The following GBE1 variants were observed in gnomAD, a reference collection of about 807,000 sequenced individuals.
The protein encoded by GBE1 is 1,4-alpha-glucan branching enzyme 1, also known as 1,4-alpha-glucan-branching enzyme.
Under a neutral mutation model 88.8 loss-of-function variants are expected in GBE1, and 70 were observed. The ratio of observed to expected loss-of-function variants is 0.79; its 90% confidence interval spans 0.65 to 0.96. The LOEUF (loss-of-function observed/expected upper bound fraction) is 0.96. Among genes scored for constraint, GBE1 ranks in the 40% least tolerant of loss-of-function variants. The probability of loss-of-function intolerance (pLI) is 0.00; values close to 1 mark genes in which losing one functional copy is unlikely to be tolerated. For synonymous variants in GBE1, 284 were observed against 300.1 expected (o/e 0.95, Z 0.56); for missense variants, 872 against 871.0 (o/e 1.00, Z -0.01).
intron 2 of GBE1, among the ~76,000 whole-genome samples, chr3:81,684,509 T>A (rs1251711549): frequency 6.6e-6 from 1 of 152,156 alleles, no homozygotes; most frequent in African/African-American, 2.4e-5. Flanking sequence ...AGGAATCCTC[T>A]CTCTGGGGTC....
chr3:81,624,210 C>G (rs1325409470), intron 7 of GBE1, among the ~76,000 whole-genome samples: 3 of 152,140 alleles, frequency 2.0e-5, no homozygotes, highest in African/African-American at 4.8e-5. Flanking sequence ...CTTATAAAAC[C>G]ATCAGATCTT....
At chr3:81,612,605 C>A in intron 7 of GBE1, 1 of 624,694 alleles carries the variant, frequency 1.6e-6, no homozygotes, top group Non-Finnish European at 3.0e-6. Flanking sequence ...CAGTTCTGAC[C>A]TCTTCTGAAA....
At chr3:81,758,686 G>A (rs1306418926) in intron 1 of GBE1, among the ~76,000 whole-genome samples, 2 of 152,232 alleles carry the variant, frequency 1.3e-5, no homozygotes, top group African/African-American at 2.4e-5. Flanking sequence ...AGTGGAAAAT[G>A]CTATTTTGGG....
chr3:81,559,390 C>T (rs906218699), intron 12 of GBE1, among the ~76,000 whole-genome samples: 10 of 151,820 alleles, frequency 6.6e-5, no homozygotes, highest in Non-Finnish European at 7.4e-5. Context: ...TGCAGTGTTG[C>T]TCAATTCTTT....
rs181430271 is a variant in GBE1, at chr3:81,682,231, G to A, written c.314-11278C>T. ...TAATCCCAACACTTTGGTAGGCCAA[G>A]GCAGGAGGGTTGCTTGAGGCCAGGA... On this transcript the variant is annotated intron_variant, in intron 2 of 15. Transcript: ENST00000429644. 3.3e-5 allele frequency among the ~76,000 whole-genome samples: 5 copies of A among 152,304 alleles called. No homozygotes were observed. The East Asian group carries it at 9.6e-4, about 29-fold the overall frequency.
chr3:81,616,375 C>T (rs1704248807), intron 7 of GBE1, among the ~76,000 whole-genome samples: 2 of 152,082 alleles, frequency 1.3e-5, no homozygotes, highest in African/African-American at 4.8e-5. Context: ...TTTTAGTAAA[C>T]TTTTGCATAA....
intron 1 of GBE1, among the ~76,000 whole-genome samples, chr3:81,729,367 T>C (rs145798996): frequency 1.3e-5 from 2 of 152,296 alleles, no homozygotes; most frequent in Non-Finnish European, 2.9e-5. Flanking sequence ...AACAGCTCCA[T>C]CTGCACAGTA....
intron 2 of GBE1, among the ~76,000 whole-genome samples, chr3:81,671,213 C>T (rs1292582900): frequency 6.6e-6 from 1 of 152,132 alleles, no homozygotes; most frequent in Non-Finnish European, 1.5e-5. Context: ...GTGGTTTCAA[C>T]TCTAATACTT....
intron 7 of GBE1, among the ~76,000 whole-genome samples, chr3:81,633,085 G>A (rs1169381126): frequency 6.6e-6 from 1 of 151,992 alleles, no homozygotes; most frequent in Non-Finnish European, 1.5e-5. Flanking sequence ...ATACAACAAC[G>A]AACAAATATC....
chr3:81,511,650 G>C (rs1702726663), intron 14 of GBE1, among the ~76,000 whole-genome samples: 1 of 151,848 alleles, frequency 6.6e-6, no homozygotes, highest in Non-Finnish European at 1.5e-5. Flanking sequence ...TTTTACACCA[G>C]ACACAATGGC....
chr3:81,751,043 G>C (rs1486704408), intron 1 of GBE1, among the ~76,000 whole-genome samples: 1 of 152,008 alleles, frequency 6.6e-6, no homozygotes, highest in Non-Finnish European at 1.5e-5. Flanking sequence ...CTAGGGCCAA[G>C]TAGCTGAAGT....
chr3:81,519,178 T>C (rs1167397957), intron 14 of GBE1, among the ~76,000 whole-genome samples: 1 of 151,610 alleles, frequency 6.6e-6, no homozygotes, highest in East Asian at 1.9e-4. Flanking sequence ...CAGTAAATCA[T>C]CCAAGTGACC....
chr3:81,594,477 T>G (rs1273429320), intron 7 of GBE1, among the ~76,000 whole-genome samples: 2 of 152,096 alleles, frequency 1.3e-5, no homozygotes, highest in Non-Finnish European at 2.9e-5. Context: ...AAAATGCATT[T>G]TCATTATCAG....
chr3:81,634,553 A>G (rs1408048688), intron 7 of GBE1, among the ~76,000 whole-genome samples: 1 of 152,170 alleles, frequency 6.6e-6, no homozygotes, highest in Non-Finnish European at 1.5e-5. Flanking sequence ...ATCACTTTGC[A>G]GTGTTGCCGC....
chr3:81,607,080 C>T (rs1378597479), intron 7 of GBE1, among the ~76,000 whole-genome samples: 1 of 152,168 alleles, frequency 6.6e-6, no homozygotes, highest in Admixed American at 6.5e-5. Flanking sequence ...TTATTCACTT[C>T]ATTTTGGTCA....
At chr3:81,570,927 T>C (rs1169200626) in intron 12 of GBE1, among the ~76,000 whole-genome samples, 1 of 152,232 alleles carries the variant, frequency 6.6e-6, no homozygotes, top group Non-Finnish European at 1.5e-5. Context: ...GTTTATTTTC[T>C]ACCAAGTGCC....
chr3:81,631,972 C>T (rs1049464738), intron 7 of GBE1, among the ~76,000 whole-genome samples: 3 of 152,044 alleles, frequency 2.0e-5, no homozygotes, highest in Non-Finnish European at 4.4e-5. Context: ...TCCCACCCCC[C>T]AATAGGCCCT....
intron 9 of GBE1, 84 bp downstream of exon 9, chr3:81,590,953 G>A: frequency 8.4e-7 from 1 of 1,187,702 alleles, no homozygotes. Context: ...TTGACAACAT[G>A]AGATTGATTA....
chr3:81,612,298 C>A, intron 7 of GBE1: 1 of 812,716 alleles, frequency 1.2e-6, no homozygotes, highest in South Asian at 1.6e-5. Context: ...CTTTATTCTG[C>A]GTTTGACTTT....
Sources: allele counts gnomAD v4.1 joint callset (sites outside exome capture counted in the v4.1 genomes callset), GRCh38; gene constraint gnomAD v4.1.1; transcripts MANE v1.5; gene names NCBI Gene and HGNC (gene_info 2026-07-23, HGNC 2026-07-21).